The following IGSF11 variants were observed in gnomAD, a reference collection of about 807,000 sequenced individuals.
The protein encoded by IGSF11 is immunoglobulin superfamily member 11, also known as CXADR like 1.
In IGSF11, 22 loss-of-function variants were observed where a neutral mutation model predicts 41.0. The ratio of observed to expected loss-of-function variants is 0.54; its 90% confidence interval spans 0.38 to 0.77. IGSF11 has a LOEUF of 0.77. IGSF11 is among the 30% of genes least tolerant of loss of function. The probability of loss-of-function intolerance (pLI) is 0.00; values close to 1 mark genes in which losing one functional copy is unlikely to be tolerated. For synonymous variants in IGSF11, 219 were observed against 201.3 expected, an observed-to-expected ratio of 1.09 and a Z score of -0.74; for missense variants, 444 against 530.8, an observed-to-expected ratio of 0.84 and a Z score of 1.61.
chr3:119,123,182 T>C (rs1405272547), intron 1 of IGSF11, among the ~76,000 whole-genome samples: 4 of 152,178 alleles, frequency 2.6e-5, no homozygotes, highest in Non-Finnish European at 4.4e-5. Context: ...CCCATGCACC[T>C]TACGTGAACA....
intron 1 of IGSF11, among the ~76,000 whole-genome samples, chr3:119,070,632 T>A (rs545200855): frequency 2.6e-5 from 4 of 152,318 alleles, no homozygotes; most frequent in African/African-American, 9.6e-5. Flanking sequence ...CTTTGTTTTT[T>A]GTTGTTGTTG....
At chr3:119,085,392 T>G (rs191246198) in intron 1 of IGSF11, among the ~76,000 whole-genome samples, 89 of 152,320 alleles carry the variant, frequency 5.8e-4, no homozygotes, top group African/African-American at 1.9e-3. Context: ...CAACCGACTG[T>G]GTACTCAAAT....
chr3:119,008,591 C>A (rs577279857), intron 1 of IGSF11, among the ~76,000 whole-genome samples: 24 of 152,328 alleles, frequency 1.6e-4, no homozygotes, highest in African/African-American at 5.5e-4. Context: ...CTCCCCTATA[C>A]ACCTCCACAA....
intron 1 of IGSF11, among the ~76,000 whole-genome samples, chr3:119,001,167 T>C (rs1237718558): frequency 6.6e-6 from 1 of 151,378 alleles, no homozygotes; most frequent in African/African-American, 2.4e-5. Flanking sequence ...CACTTAGTCA[T>C]TTAAGCCTAC....
intron 1 of IGSF11, among the ~76,000 whole-genome samples, chr3:119,007,409 G>C (rs1576626717): frequency 6.6e-6 from 1 of 151,098 alleles, no homozygotes; most frequent in Non-Finnish European, 1.5e-5. Flanking sequence ...TGGAAATGCA[G>C]AAATCACCCG....
intron 4 of IGSF11, among the ~76,000 whole-genome samples, chr3:118,909,731 C>T (rs926294334): frequency 6.6e-6 from 1 of 152,148 alleles, no homozygotes; most frequent in Non-Finnish European, 1.5e-5. Flanking sequence ...GTCTGTTTGC[C>T]CTGATTTTGG....
At chr3:119,143,044 C>A (rs1374406650) in intron 1 of IGSF11, among the ~76,000 whole-genome samples, 2 of 152,046 alleles carry the variant, frequency 1.3e-5, no homozygotes, top group African/African-American at 2.4e-5. Context: ...CCCAGATAAA[C>A]AAATCCTAAG....
At chr3:119,009,523 T>C (rs1937838446) in intron 1 of IGSF11, among the ~76,000 whole-genome samples, 1 of 152,168 alleles carries the variant, frequency 6.6e-6, no homozygotes, top group African/African-American at 2.4e-5. Flanking sequence ...CCTGCTGCTT[T>C]GTGAAGAAGG....
At chr3:119,092,527 G>A (rs1313108474) in intron 1 of IGSF11, among the ~76,000 whole-genome samples, 2 of 151,890 alleles carry the variant, frequency 1.3e-5, no homozygotes, top group African/African-American at 2.4e-5. Context: ...ACGTGGTTTC[G>A]CCATGTTGGT....
intron 1 of IGSF11, among the ~76,000 whole-genome samples, chr3:118,966,085 T>C (rs142445382): frequency 1.4e-4 from 21 of 151,816 alleles, no homozygotes; most frequent in African/African-American, 4.6e-4. Flanking sequence ...CCTAGTGTGA[T>C]GCAAATGTAA....
In IGSF11 at chr3:119,041,761, G is replaced by A. The variant is rs147564509; in HGVS notation, c.49+63383C>T. 7.6e-4 allele frequency among the ~76,000 whole-genome samples: 116 copies of A among 152,220 alleles called. 1 individual carries two copies. Among genetic ancestry groups the A allele is most frequent in the African/African-American group, 2.4e-3 (100 of 41,554 alleles). On this transcript the variant is annotated intron_variant, in intron 1 of 6. Transcript: ENST00000354673. ...ATTTGCTCAAAAATAAGCAGAAAAC[G>A]TGGATAGTCCTGTACAATTAAGGTA...
At chr3:119,144,518 A>C (rs1196396025) in intron 1 of IGSF11, among the ~76,000 whole-genome samples, 1 of 152,116 alleles carries the variant, frequency 6.6e-6, no homozygotes. Context: ...ATTCATACAT[A>C]TTTGGAAACT....
At chr3:119,135,653 G>A (rs1016793961) in intron 1 of IGSF11, among the ~76,000 whole-genome samples, 2 of 152,160 alleles carry the variant, frequency 1.3e-5, no homozygotes, top group Non-Finnish European at 2.9e-5. Context: ...AAGACAGTGT[G>A]GCAATTCCTC....
intron 1 of IGSF11, chr3:118,947,322 G>A (rs563179476): frequency 6.6e-6 from 1 of 152,246 alleles, no homozygotes; most frequent in South Asian, 2.1e-4. Context: ...CACAATCTGA[G>A]GATTTAGGGA....
intron 1 of IGSF11, among the ~76,000 whole-genome samples, chr3:119,065,676 C>T (rs1942204851): frequency 6.6e-6 from 1 of 151,344 alleles, no homozygotes; most frequent in African/African-American, 2.4e-5. Context: ...AACTGTAATC[C>T]CAGCTACTCG....
chr3:119,057,455 G>A (rs1941890040), intron 1 of IGSF11, among the ~76,000 whole-genome samples: 1 of 152,106 alleles, frequency 6.6e-6, no homozygotes, highest in Non-Finnish European at 1.5e-5. Flanking sequence ...ACAAACCACT[G>A]CTCAATGAAA....
At chr3:118,922,167 T>C (rs940508189) in intron 4 of IGSF11, among the ~76,000 whole-genome samples, 1 of 152,176 alleles carries the variant, frequency 6.6e-6, no homozygotes, top group African/African-American at 2.4e-5. Context: ...AGGGATGTTT[T>C]AGCAATAGAA....
intron 1 of IGSF11, among the ~76,000 whole-genome samples, chr3:118,988,609 G>A (rs1559749673): frequency 6.6e-6 from 1 of 152,206 alleles, no homozygotes. Context: ...TGGGGGAAGT[G>A]CATGGCAGCT....
intron 6 of IGSF11, among the ~76,000 whole-genome samples, chr3:118,904,132 C>T (rs575174610): frequency 2.6e-5 from 4 of 152,242 alleles, no homozygotes; most frequent in Non-Finnish European, 5.9e-5. Flanking sequence ...GAGCCCGAAC[C>T]CTCAAATCTC....
Sources: gnomAD v4.1 joint callset for allele counts (sites outside exome capture counted in the v4.1 genomes callset) on GRCh38, gnomAD v4.1.1 for gene constraint, MANE v1.5 for transcripts, NCBI Gene and HGNC (gene_info 2026-07-23, HGNC 2026-07-21) for gene names.